GRAMD1B: variants seen among roughly 807,000 people sequenced by gnomAD.
The protein encoded by GRAMD1B is protein Aster-B.
In GRAMD1B, 37 loss-of-function variants were observed where a neutral mutation model predicts 99.7. That is an observed-to-expected ratio of 0.37 (90% CI 0.29 to 0.49). The LOEUF (loss-of-function observed/expected upper bound fraction) is 0.49, where lower values mean the gene tolerates loss of function less well. Ranked by LOEUF, GRAMD1B falls within the 20% of genes least tolerant of loss-of-function variation. The pLI is 0.98. For missense variants in GRAMD1B, 888 were observed against 1,009.2 expected (o/e 0.88, Z 1.63); for synonymous variants, 427 against 387.6 (o/e 1.10, Z -1.19).
At chr11:123,376,684 A>G (rs1946701424) in intron 1 of GRAMD1B, among the ~76,000 whole-genome samples, 1 of 152,148 alleles carries the variant, frequency 6.6e-6, no homozygotes, top group South Asian at 2.1e-4. Context: ...TATGGGCATG[A>G]TTCCTTTTTT....
intron 2 of GRAMD1B, among the ~76,000 whole-genome samples, chr11:123,497,101 T>G (rs10893047): frequency 0.2 from 30,481 of 152,122 alleles, 3,197 homozygotes; most frequent in Middle Eastern, 0.28. Flanking sequence ...ATTCTTTTTG[T>G]GAAGGCTTTT....
rs137877122 is a variant in GRAMD1B, at chr11:123,617,607, C to A, written c.2319-1086C>A. Among the ~76,000 whole-genome samples the A allele has an allele frequency of 5.9e-5, 9 of 152,186 alleles. No homozygotes were observed. In the East Asian group the frequency reaches 1.5e-3, roughly 26 times the overall value. On this transcript the variant is annotated intron_variant, in intron 17 of 19. Coordinates refer to ENST00000635736, the MANE Select transcript of GRAMD1B (RefSeq NM_001387025.1). ...GTGCCGGGATATTTTACAATATATT[C>A]CCTTTCATCTACAGAACAACCCCAG...
At chr11:123,462,244 G>A (rs1950461958) in intron 1 of GRAMD1B, among the ~76,000 whole-genome samples, 1 of 152,144 alleles carries the variant, frequency 6.6e-6, no homozygotes. Context: ...TGGGATTACA[G>A]GTGTGAGCCA....
At chr11:123,455,598 T>C (rs1322740385) in intron 1 of GRAMD1B, among the ~76,000 whole-genome samples, 1 of 152,214 alleles carries the variant, frequency 6.6e-6, no homozygotes, top group Non-Finnish European at 1.5e-5. Flanking sequence ...TCTGGAGTGA[T>C]CTGCATGGAT....
At chr11:123,577,131 C>T (rs1042403880) in intron 2 of GRAMD1B, among the ~76,000 whole-genome samples, 2 of 152,226 alleles carry the variant, frequency 1.3e-5, no homozygotes, top group Non-Finnish European at 2.9e-5. Flanking sequence ...ATGTCGATTG[C>T]CCGTTGGCTC....
At chr11:123,432,959 C>G (rs2134192582) in intron 1 of GRAMD1B, among the ~76,000 whole-genome samples, 1 of 152,268 alleles carries the variant, frequency 6.6e-6, no homozygotes, top group South Asian at 2.1e-4. Context: ...TTTGTGGACG[C>G]TGGGGATAGA....
At chr11:123,372,053 A>G (rs1221867966) in intron 1 of GRAMD1B, among the ~76,000 whole-genome samples, 1 of 152,214 alleles carries the variant, frequency 6.6e-6, no homozygotes, top group Admixed American at 6.5e-5. Flanking sequence ...TTGATTACAG[A>G]GCACTGAAGC....
Position 123,430,816 on chromosome 11 carries a change from G to A in GRAMD1B, c.24G>A (p.Glu8=), listed in dbSNP as rs1948842870. Residue 8 remains glutamate, a synonymous_variant, in exon 1 of 20, where the codon GAG becomes GAA. Coordinates refer to ENST00000635736, the MANE Select transcript of GRAMD1B (RefSeq NM_001387025.1). ...CCATGCCGGCGGCCAACATGATGGA[G>A]AACCGGCCGCTGCCCGCCCTGCAGG... MPAANMM[E]NRPLPALQVP... 1.4e-6 allele frequency: 1 copy of A among 694,878 alleles called. No individual in the cohort carries two copies. The highest frequency in any genetic ancestry group is 2.6e-6 in the Non-Finnish European group (1 of 381,696). The allele number at this position is 694,878 out of a possible 1,614,324, so 43.0% of individuals were successfully genotyped here. A position where few individuals can be genotyped will look rare whatever the true frequency, so the allele number is the denominator to read the frequency against.
chr11:123,575,004 G>C (rs1408826209), intron 2 of GRAMD1B, among the ~76,000 whole-genome samples: 2 of 152,106 alleles, frequency 1.3e-5, no homozygotes, highest in African/African-American at 4.8e-5. Flanking sequence ...ACAGAGAGAT[G>C]GTATAAGTTG....
At chr11:123,402,837 TTGG>T (rs1947714743) in intron 1 of GRAMD1B, among the ~76,000 whole-genome samples, 1 of 152,206 alleles carries the variant, frequency 6.6e-6, no homozygotes, top group African/African-American at 2.4e-5. Flanking sequence ...GTTTACACTG[TTGG>T]TGGGTGTGTA....
intron 2 of GRAMD1B, among the ~76,000 whole-genome samples, chr11:123,526,932 A>C (rs539526265): frequency 2.0e-5 from 3 of 152,206 alleles, no homozygotes; most frequent in African/African-American, 7.2e-5. Context: ...GGGCAGGTGA[A>C]TTGGCTTTTC....
At chr11:123,547,473 ATGCACTAGCCTCT>A (rs1565356289) in intron 2 of GRAMD1B, among the ~76,000 whole-genome samples, 24 of 152,294 alleles carry the variant, frequency 1.6e-4, no homozygotes, top group Admixed American at 3.3e-4. Context: ...CTCACCTCCT[ATGCACTAGCCTCT>A]TGCAATGTTT....
chr11:123,467,032 T>C (rs1950713063), intron 1 of GRAMD1B, among the ~76,000 whole-genome samples: 1 of 152,258 alleles, frequency 6.6e-6, no homozygotes, highest in Non-Finnish European at 1.5e-5. Flanking sequence ...GTAAGTATAA[T>C]TATTTTAATT....
chr11:123,559,796 C>T (rs1235227832), intron 2 of GRAMD1B: 1 of 498,482 alleles, frequency 2.0e-6, no homozygotes, highest in Non-Finnish European at 2.6e-6. Context: ...AAGAGGCCCT[C>T]GGCCATCTTT....
chr11:123,472,577 A>T (rs909650333), intron 1 of GRAMD1B, among the ~76,000 whole-genome samples: 1 of 152,114 alleles, frequency 6.6e-6, no homozygotes, highest in Non-Finnish European at 1.5e-5. Flanking sequence ...AGAAAGAACA[A>T]CTCACTCTTG....
chr11:123,407,116 T>C (rs549489664), intron 1 of GRAMD1B, among the ~76,000 whole-genome samples: 27 of 152,366 alleles, frequency 1.8e-4, no homozygotes, highest in African/African-American at 5.8e-4. Context: ...AGTTTGTCTT[T>C]CCATAAAATG....
intron 1 of GRAMD1B, among the ~76,000 whole-genome samples, chr11:123,403,923 A>T (rs1333121955): frequency 6.6e-6 from 1 of 152,092 alleles, no homozygotes; most frequent in Admixed American, 6.5e-5. Flanking sequence ...AAAAGAAAAA[A>T]TTGACGCATC....
chr11:123,556,075 C>T (rs905530537), intron 2 of GRAMD1B, among the ~76,000 whole-genome samples: 2 of 152,204 alleles, frequency 1.3e-5, no homozygotes, highest in African/African-American at 4.8e-5. Flanking sequence ...TAAAAGCACC[C>T]CTGTGCCTGC....
At chr11:123,520,776 C>CAAAAA (rs11219185) in intron 2 of GRAMD1B, among the ~76,000 whole-genome samples, 10 of 103,548 alleles carry the variant, frequency 9.7e-5, no homozygotes, top group Admixed American at 3.2e-4. Context: ...GAGACCCTGT[C>CAAAAA]AAAAAAAAAA....
Sources: allele counts gnomAD v4.1 joint callset (sites outside exome capture counted in the v4.1 genomes callset), GRCh38; gene constraint gnomAD v4.1.1; transcripts MANE v1.5; gene names NCBI Gene and HGNC (gene_info 2026-07-23, HGNC 2026-07-21).